Variants in CPNE4 observed in about 807,000 individuals in gnomAD.
CPNE4 encodes copine-4.
CPNE4 carries 25 observed loss-of-function variants against 67.9 expected under a neutral mutation model. The ratio of observed to expected loss-of-function variants is 0.37; its 90% CI spans 0.27 to 0.51. The LOEUF is 0.51. Ranked by LOEUF, CPNE4 falls within the 20% of genes least tolerant of loss-of-function variation. The pLI is 0.93. For missense variants in CPNE4, 464 were observed against 690.8 expected (o/e 0.67, Z 3.68); for synonymous variants, 242 against 244.9 (o/e 0.99, Z 0.11).
chr3:131,562,804 G>T (rs1003933472), intron 11 of CPNE4, among the ~76,000 whole-genome samples: 1 of 151,990 alleles, frequency 6.6e-6, no homozygotes, highest in Non-Finnish European at 1.5e-5. Flanking sequence ...AATCAGTGTT[G>T]AAATTCAAGT....
intron 1 of CPNE4, among the ~76,000 whole-genome samples, chr3:132,022,553 A>G (rs2074021173): frequency 7.9e-6 from 1 of 126,652 alleles, no homozygotes; most frequent in African/African-American, 3.1e-5. Flanking sequence ...TTTCCTGTAC[A>G]CAAAGATGCT....
Position 131,805,989 on chromosome 3 carries a change from G to A in CPNE4, c.181-82364C>T, listed in dbSNP as rs369691098. Among the ~76,000 whole-genome samples, 286 of 152,240 alleles carry A rather than the reference G, an allele frequency of 1.9e-3. 10 individuals carry two copies. In the South Asian group the frequency reaches 0.055, roughly 29 times the overall value. On this transcript the variant is annotated intron_variant, in intron 2 of 15. Coordinates refer to ENST00000429747, the MANE Select transcript of CPNE4 (RefSeq NM_130808.3). ...CTTCCAGATGTACATATAAATAATCGGAAATCATGAAATTCCAGTCATTTT... is the reference window on the plus strand; with the variant it reads ...CTTCCAGATGTACATATAAATAATCAGAAATCATGAAATTCCAGTCATTTT...
intron 1 of CPNE4, among the ~76,000 whole-genome samples, chr3:131,973,697 T>C (rs1187549221): frequency 1.3e-5 from 2 of 152,188 alleles, no homozygotes; most frequent in South Asian, 2.1e-4. Flanking sequence ...CACATCAAAA[T>C]GTATCCATTC....
At chr3:132,014,341 A>C in intron 1 of CPNE4, among the ~76,000 whole-genome samples, 3 of 146,758 alleles carry the variant, frequency 2.0e-5, no homozygotes, top group Admixed American at 6.8e-5. Context: ...TCCCACCCCC[A>C]CTCCTCATCT....
rs540672764 is a variant in CPNE4, at chr3:131,610,448, G to C, written c.682-22866C>G. 9.3e-4 allele frequency among the ~76,000 whole-genome samples: 142 copies of C among 152,274 alleles called. 1 individual carries two copies. Among genetic ancestry groups the C allele is most frequent in the African/African-American group, 3.3e-3 (136 of 41,550 alleles). ...CAACACTCAGCACCTCAGCCTCTTT[G>C]TTGGAGGGCTGTCCTGAGACTGCTA... is the stretch of plus-strand genomic sequence containing the variant. On this transcript the variant is annotated intron_variant, in intron 7 of 15. Coordinates refer to ENST00000429747, the MANE Select transcript of CPNE4 (RefSeq NM_130808.3).
chr3:131,864,350 CT>C (rs1328644234), intron 2 of CPNE4, among the ~76,000 whole-genome samples: 1 of 152,174 alleles, frequency 6.6e-6, no homozygotes, highest in Non-Finnish European at 1.5e-5. Flanking sequence ...ATGGAATGTT[CT>C]TCCATTTCTT....
At chr3:131,998,587 C>G (rs1207575540) in intron 1 of CPNE4, among the ~76,000 whole-genome samples, 13 of 152,078 alleles carry the variant, frequency 8.5e-5, no homozygotes. Flanking sequence ...CATGACAAGA[C>G]AGGAAAGAAA....
Position 131,633,265 on chromosome 3 carries a change from T to A in CPNE4, c.681+36410A>T, listed in dbSNP as rs916851798. 2.0e-5 allele frequency among the ~76,000 whole-genome samples: 3 copies of A among 152,302 alleles called. No homozygotes were observed. In the Middle Eastern group the frequency reaches 0.01, roughly 518 times the overall value. The stretch of plus-strand genomic sequence containing the variant: ...CTGAATTATTGCAATTAGCTTTCTA[T>A]CTGGTCTCTTTGCTTCCATCATTAC... On this transcript the variant is annotated intron_variant, in intron 7 of 15. Transcript: ENST00000429747.
chr3:131,814,070 T>C (rs2084638647), intron 2 of CPNE4, among the ~76,000 whole-genome samples: 1 of 152,190 alleles, frequency 6.6e-6, no homozygotes, highest in Non-Finnish European at 1.5e-5. Context: ...CAGAACTATA[T>C]TATAACAGAC....
At chr3:131,568,889 T>G (rs2107672434) in intron 10 of CPNE4, among the ~76,000 whole-genome samples, 1 of 152,186 alleles carries the variant, frequency 6.6e-6, no homozygotes, top group East Asian at 1.9e-4. Context: ...AACCTCTGGT[T>G]AGTTGTACCT....
chr3:131,981,292 G>A (rs1000148203), intron 1 of CPNE4, among the ~76,000 whole-genome samples: 6 of 151,974 alleles, frequency 3.9e-5, no homozygotes, highest in African/African-American at 1.5e-4. Context: ...TACCAGGGTG[G>A]GTAGGGAAGG....
At chr3:131,943,524 ATTG>A (rs574199263) in intron 1 of CPNE4, among the ~76,000 whole-genome samples, 1 of 152,056 alleles carries the variant, frequency 6.6e-6, no homozygotes, top group Non-Finnish European at 1.5e-5. Context: ...GCTATTACTT[ATTG>A]TTATTATTAC....
chr3:131,860,194 T>C (rs1173313865), intron 2 of CPNE4, among the ~76,000 whole-genome samples: 2 of 152,164 alleles, frequency 1.3e-5, no homozygotes, highest in East Asian at 3.8e-4. Context: ...AACAAATGTC[T>C]CCATAAGATA....
chr3:131,949,734 G>C (rs563673738), intron 1 of CPNE4, among the ~76,000 whole-genome samples: 1 of 152,148 alleles, frequency 6.6e-6, no homozygotes, highest in Non-Finnish European at 1.5e-5. Context: ...AAATTTCAAA[G>C]CATACTACCC....
chr3:131,958,609 CTT>C (rs748126986), intron 1 of CPNE4, among the ~76,000 whole-genome samples: 111 of 95,906 alleles, frequency 1.2e-3, no homozygotes, highest in African/African-American at 3.5e-3. Flanking sequence ...TCTTTCTTTT[CTT>C]TTTTTTTTTT....
intron 2 of CPNE4, among the ~76,000 whole-genome samples, chr3:131,872,969 A>T (rs1402053918): frequency 6.6e-6 from 1 of 152,204 alleles, no homozygotes; most frequent in Non-Finnish European, 1.5e-5. Flanking sequence ...ACCCACAGAA[A>T]ATGTGAGCAA....
rs1583627822 is a variant in CPNE4 at position 132,034,875 on chromosome 3, TAA to T, written c.-312_-311del. On this transcript the variant is annotated 5_prime_UTR_variant, in exon 1 of 16. Transcript: ENST00000429747. ...GTCGGCTCTCAGTTAACTCGGAGAG[TAA>T]AGAGGAGGGTACTGAGAAAAGAGGG... 1 of 981,830 alleles carries T rather than the reference TAA, an allele frequency of 1.0e-6. No homozygotes were observed. 60.8% of individuals were successfully genotyped at this position (981,830 alleles called of 1,614,324 possible). A position where few individuals can be genotyped will look rare whatever the true frequency, so the allele number is the denominator to read the frequency against.
chr3:132,023,006 T>C (rs1239805518), intron 1 of CPNE4, among the ~76,000 whole-genome samples: 1 of 152,226 alleles, frequency 6.6e-6, no homozygotes, highest in Non-Finnish European at 1.5e-5. Flanking sequence ...AATGATGCTA[T>C]AAAGCATTCA....
chr3:132,035,684 T>G (rs188117314), upstream of CPNE4, among the ~76,000 whole-genome samples: 1 of 152,312 alleles, frequency 6.6e-6, no homozygotes, highest in East Asian at 1.9e-4. Flanking sequence ...TTATTCAAAT[T>G]CAGACAAATG....
Sources: allele counts gnomAD v4.1 joint callset (sites outside exome capture counted in the v4.1 genomes callset), GRCh38; gene constraint gnomAD v4.1.1; transcripts MANE v1.5; gene names NCBI Gene and HGNC (gene_info 2026-07-23, HGNC 2026-07-21).